ASTN2: variants seen among roughly 807,000 people sequenced by gnomAD.
ASTN2 encodes the protein astrotactin 2, also known as astrotactin-2.
A neutral mutation model predicts 139.8 loss-of-function variants in ASTN2; 54 were observed. The ratio of observed to expected loss-of-function variants is 0.39; its 90% CI spans 0.31 to 0.48. The LOEUF is 0.48. ASTN2 is among the 20% of genes least tolerant of loss of function. The probability of loss-of-function intolerance (pLI) is 0.95; values close to 1 mark genes in which losing one functional copy is unlikely to be tolerated. For missense variants in ASTN2, 1,565 were observed against 1,725.1 expected, an observed-to-expected ratio of 0.91 and a Z score of 1.64; for synonymous variants, 756 against 719.5, an observed-to-expected ratio of 1.05 and a Z score of -0.81.
At chr9:117,167,514 G>A (rs576188862) in intron 3 of ASTN2, among the ~76,000 whole-genome samples, 125 of 151,948 alleles carry the variant, frequency 8.2e-4, no homozygotes, top group Non-Finnish European at 1.5e-3. Context: ...TACAACAAAC[G>A]CTCAAAATAC....
chr9:117,166,640 G>T (rs1830676528), intron 3 of ASTN2, among the ~76,000 whole-genome samples: 1 of 152,012 alleles, frequency 6.6e-6, no homozygotes, highest in African/African-American at 2.4e-5. Flanking sequence ...CCCTAGCTAA[G>T]AGCTACACAT....
At chr9:116,851,541 TCTA>T in intron 11 of ASTN2, among the ~76,000 whole-genome samples, 1 of 151,772 alleles carries the variant, frequency 6.6e-6, no homozygotes, top group South Asian at 2.1e-4. Flanking sequence ...TTATAGTAAA[TCTA>T]CTAAAAGGAC....
chr9:117,228,411 C>T (rs1832782376), intron 2 of ASTN2, among the ~76,000 whole-genome samples: 1 of 152,092 alleles, frequency 6.6e-6, no homozygotes, highest in South Asian at 2.1e-4. Flanking sequence ...TGTTTTGCTG[C>T]CATTTTACAG....
chr9:116,654,848 T>C (rs1858117732), intron 16 of ASTN2, among the ~76,000 whole-genome samples: 1 of 152,240 alleles, frequency 6.6e-6, no homozygotes, highest in Non-Finnish European at 1.5e-5. Flanking sequence ...ATTCCCTTGA[T>C]CAAACAAACA....
At chr9:116,802,581 C>A (rs1564275472) in intron 13 of ASTN2, among the ~76,000 whole-genome samples, 1 of 152,292 alleles carries the variant, frequency 6.6e-6, no homozygotes, top group Non-Finnish European at 1.5e-5. Context: ...CCATGTGGAT[C>A]CTTCTTTTGG....
intron 10 of ASTN2, among the ~76,000 whole-genome samples, chr9:116,954,986 G>T (rs1380785545): frequency 6.6e-6 from 1 of 152,212 alleles, no homozygotes; most frequent in East Asian, 1.9e-4. Context: ...AACTGAGAAA[G>T]AATTGACATC....
At chr9:116,947,898 C>T (rs1191323239) in intron 10 of ASTN2, among the ~76,000 whole-genome samples, 2 of 152,196 alleles carry the variant, frequency 1.3e-5, no homozygotes, top group Admixed American at 6.5e-5. Context: ...CTATTCAGGT[C>T]AGAACCATGC....
At chr9:116,996,569 T>G (rs1837022661) in intron 7 of ASTN2, among the ~76,000 whole-genome samples, 1 of 151,414 alleles carries the variant, frequency 6.6e-6, no homozygotes, top group South Asian at 2.1e-4. Flanking sequence ...TAAGGAGGAG[T>G]GAACCAACTA....
At chr9:116,538,172 A>G (rs1451786996) in intron 19 of ASTN2, among the ~76,000 whole-genome samples, 2 of 152,108 alleles carry the variant, frequency 1.3e-5, no homozygotes, top group Non-Finnish European at 2.9e-5. Context: ...GAAATAAAGG[A>G]AAGAAGAAAG....
chr9:117,345,182 G>A (rs1194258378), intron 1 of ASTN2, among the ~76,000 whole-genome samples: 1 of 152,114 alleles, frequency 6.6e-6, no homozygotes, highest in Non-Finnish European at 1.5e-5. Flanking sequence ...AGCAAGGCTT[G>A]CTCTTGCTAC....
intron 7 of ASTN2, among the ~76,000 whole-genome samples, chr9:116,986,881 GC>G (rs1457434157): frequency 6.6e-6 from 1 of 152,166 alleles, no homozygotes; most frequent in Non-Finnish European, 1.5e-5. Flanking sequence ...ATGAAAGCAG[GC>G]CACAGTGTGC....
In ASTN2 at chr9:117,006,738, C is replaced by T. The variant is rs10983457; in HGVS notation, c.1591+1354G>A. Among the ~76,000 whole-genome samples the T allele has an allele frequency of 5.3e-3, 803 of 152,180 alleles. 6 individuals carry two copies. Among genetic ancestry groups the T allele is most frequent in the African/African-American group, 0.018 (764 of 41,524 alleles). Reference sequence around the variant, plus strand: ...ATACAAGGCCCTGAGGACCACCATGCCCCCAAACTTCTTCTTCTCAGCTTT... The same window carrying T: ...ATACAAGGCCCTGAGGACCACCATGTCCCCAAACTTCTTCTTCTCAGCTTT... On this transcript the variant is annotated intron_variant, in intron 7 of 22. Coordinates refer to ENST00000313400, the MANE Select transcript of ASTN2 (RefSeq NM_001365068.1).
chr9:116,495,835 T>A (rs1321087950), intron 19 of ASTN2, among the ~76,000 whole-genome samples: 1 of 152,110 alleles, frequency 6.6e-6, no homozygotes, highest in Non-Finnish European at 1.5e-5. Context: ...TAACAAGAAT[T>A]CACGGGGTAT....
At chr9:116,982,339 T>G (rs1256661540) in intron 7 of ASTN2, among the ~76,000 whole-genome samples, 1 of 152,124 alleles carries the variant, frequency 6.6e-6, no homozygotes, top group Admixed American at 6.5e-5. Context: ...ACTTGAAAAA[T>G]CCTCAGCACA....
At chr9:117,393,248 G>T (rs1830587321) in intron 1 of ASTN2, among the ~76,000 whole-genome samples, 1 of 152,164 alleles carries the variant, frequency 6.6e-6, no homozygotes, top group Non-Finnish European at 1.5e-5. Context: ...GACTTTGGCT[G>T]GTTTCTCTGG....
chr9:116,966,174 T>A (rs762161324), intron 10 of ASTN2, among the ~76,000 whole-genome samples: 2 of 152,244 alleles, frequency 1.3e-5, no homozygotes, highest in East Asian at 3.8e-4. Context: ...TAACTTCTAA[T>A]GCAGATATAA....
chr9:116,850,061 A>G (rs760524012), intron 11 of ASTN2, among the ~76,000 whole-genome samples: 2 of 152,194 alleles, frequency 1.3e-5, no homozygotes, highest in Non-Finnish European at 2.9e-5. Context: ...GGGATTGAAA[A>G]GGATGAGGTT....
intron 20 of ASTN2, among the ~76,000 whole-genome samples, chr9:116,478,209 G>A (rs1849052033): frequency 8.9e-6 from 1 of 111,904 alleles, no homozygotes; most frequent in South Asian, 4.3e-4. Flanking sequence ...AGAAGGAAAG[G>A]GAGGGGTAGT....
intron 13 of ASTN2, among the ~76,000 whole-genome samples, chr9:116,739,456 A>AGAATTTGCCCTCTCTCTG (rs566223205): frequency 1.3e-5 from 2 of 151,204 alleles, no homozygotes; most frequent in African/African-American, 4.9e-5. Flanking sequence ...GGACCCACTT[A>AGAATTTGCCCTCTCTCTG]GAATTTGCCC....
Sources: gnomAD v4.1 joint callset for allele counts (sites outside exome capture counted in the v4.1 genomes callset) on GRCh38, gnomAD v4.1.1 for gene constraint, MANE v1.5 for transcripts, NCBI Gene and HGNC (gene_info 2026-07-23, HGNC 2026-07-21) for gene names.